The following TMEM87B variants were observed in gnomAD, a reference collection of about 807,000 sequenced individuals.
TMEM87B encodes the protein transmembrane protein 87B.
In TMEM87B, 83 loss-of-function variants were observed where a neutral mutation model predicts 80.3. The observed-to-expected ratio is 1.03, with a 90% CI of 0.87 to 1.24. TMEM87B has a LOEUF of 1.24. Among genes scored for constraint, TMEM87B ranks in the 50% most tolerant of loss-of-function variants. The probability of loss-of-function intolerance (pLI) is 0.00; values close to 1 mark genes in which losing one functional copy is unlikely to be tolerated. For synonymous variants in TMEM87B, 219 were observed against 230.5 expected (o/e 0.95, Z 0.45); for missense variants, 625 against 674.4 (o/e 0.93, Z 0.81).
Position 112,118,136 on chromosome 2 carries a change from G to A in TMEM87B, c.*1993G>A, listed in dbSNP as rs909931319. 2 of 152,112 alleles carry A rather than the reference G, an allele frequency of 1.3e-5. No homozygotes were observed. The highest frequency in any genetic ancestry group is 4.8e-5 in the African/African-American group (2 of 41,420). 9.4% of individuals were successfully genotyped at this position (152,112 alleles called of 1,614,324 possible). ...TCATTACAAATACTGTTACTAGAAG[G>A]GCATGTGCTGTCTGTCACCTTCAGT... On this transcript the variant is annotated 3_prime_UTR_variant, in exon 19 of 19. Coordinates refer to ENST00000283206, the MANE Select transcript of TMEM87B (RefSeq NM_032824.3).
At position 112,091,699 on chromosome 2, in the gene TMEM87B, T is replaced by C. The variant is rs1451558836; in HGVS notation, c.1033-13T>C. ...GTTACATTCAGGTTTCTTCCCTTAT[T>C]TTTATCTTTCAGGGTTCTAACCATT... On this transcript the variant is annotated splice_polypyrimidine_tract_variant and intron_variant, in intron 10 of 18. Transcript: ENST00000283206. The C allele has an allele frequency of 6.3e-7, 1 of 1,597,696 alleles. No individual in the cohort carries two copies.
intron 10 of TMEM87B, among the ~76,000 whole-genome samples, chr2:112,091,510 C>T (rs1679300195): frequency 6.6e-6 from 1 of 151,116 alleles, no homozygotes; most frequent in Non-Finnish European, 1.5e-5. Flanking sequence ...ATGTTGCTAT[C>T]ATCACATAAA....
intron 3 of TMEM87B, among the ~76,000 whole-genome samples, chr2:112,064,566 AATT>A (rs1338629887): frequency 6.6e-6 from 1 of 152,244 alleles, no homozygotes; most frequent in Non-Finnish European, 1.5e-5. Flanking sequence ...TTTTTAAAAA[AATT>A]ATAGGGAAAC....
intron 8 of TMEM87B, 46 bp from the exon 9 acceptor site, chr2:112,085,952 GGCAGGCT>G: frequency 6.8e-7 from 1 of 1,460,428 alleles, no homozygotes. Flanking sequence ...AATCTTGGTT[GGCAGGCT>G]TCCAGGTGTA....
At chr2:112,071,934 C>G (rs778664956) in intron 4 of TMEM87B, among the ~76,000 whole-genome samples, 1 of 151,788 alleles carries the variant, frequency 6.6e-6, no homozygotes, top group Non-Finnish European at 1.5e-5. Flanking sequence ...ATAGGTGGCT[C>G]TTATTATTTT....
chr2:112,111,758 T>C (rs569043954), intron 17 of TMEM87B, among the ~76,000 whole-genome samples: 2 of 152,324 alleles, frequency 1.3e-5, no homozygotes, highest in African/African-American at 4.8e-5. Context: ...AATAACCACA[T>C]GATATGTATT....
intron 5 of TMEM87B, among the ~76,000 whole-genome samples, chr2:112,076,953 G>A (rs1678840501): frequency 7.0e-6 from 1 of 142,398 alleles, no homozygotes; most frequent in Non-Finnish European, 1.5e-5. Context: ...TGTAATCCCA[G>A]CACTTTGGGA....
At chr2:112,081,270 G>A in intron 7 of TMEM87B, 65 bp from the exon 8 acceptor site, 2 of 1,484,560 alleles carry the variant, frequency 1.3e-6, no homozygotes, top group Non-Finnish European at 1.8e-6. Context: ...ATACTTGAAT[G>A]TAGAAGTGCC....
intron 17 of TMEM87B, among the ~76,000 whole-genome samples, chr2:112,110,106 GT>G (rs924678225): frequency 1.3e-5 from 2 of 152,166 alleles, no homozygotes; most frequent in Admixed American, 1.3e-4. Flanking sequence ...TTTTGTCAGT[GT>G]TTTTTGTGGA....
chr2:112,062,664 A>G (rs1678292070), intron 2 of TMEM87B, among the ~76,000 whole-genome samples: 1 of 152,192 alleles, frequency 6.6e-6, no homozygotes, highest in Non-Finnish European at 1.5e-5. Context: ...TCCTTTAACA[A>G]CTTTGTTCTA....
chr2:112,109,317 A>G (rs1287345149), intron 17 of TMEM87B, among the ~76,000 whole-genome samples: 1 of 152,124 alleles, frequency 6.6e-6, no homozygotes, highest in African/African-American at 2.4e-5. Context: ...TCTTTCCTCT[A>G]TATATGAGCT....
chr2:112,097,675 T>G (rs1679510554), intron 13 of TMEM87B, among the ~76,000 whole-genome samples: 1 of 122,232 alleles, frequency 8.2e-6, no homozygotes, highest in Non-Finnish European at 1.6e-5. Flanking sequence ...ATTGCACCAC[T>G]GCACCCCAGC....
In TMEM87B at chr2:112,096,971, ATAG is replaced by A. The variant is rs982451735; in HGVS notation, c.1105-69_1105-67del. The A allele has an allele frequency of 5.8e-6, 6 of 1,026,730 alleles. No individual in the cohort carries two copies. In the African/African-American group the frequency reaches 6.5e-5, roughly 11 times the overall value. The allele number at this position is 1,026,730 out of a possible 1,614,324, so 63.6% of individuals were successfully genotyped here. A position where few individuals can be genotyped will look rare whatever the true frequency, so the allele number is the denominator to read the frequency against. ...ATTTAGCAGTACTGACTTTGGGAAC[ATAG>A]TAGAAGATTCTGTTTTTTTTTTTTA... On this transcript the variant is annotated intron_variant, in intron 11 of 18. Transcript: ENST00000283206.
chr2:112,063,336 C>T (rs1018303416), intron 2 of TMEM87B, among the ~76,000 whole-genome samples: 2 of 152,226 alleles, frequency 1.3e-5, no homozygotes, highest in African/African-American at 4.8e-5. Context: ...TCCTTAACTC[C>T]AGACTTAATG....
chr2:112,055,437 G>A lies in TMEM87B; in HGVS notation c.-155G>A, dbSNP rs575931527. ...CTGGCCGGGTTTCCCAGAACTGCAC[G>A]GCGCCTCTCCGCCCAGGCCCAAGCG... On this transcript the variant is annotated 5_prime_UTR_variant, in exon 1 of 19. Transcript: ENST00000283206. 1 of 854,974 alleles carries A rather than the reference G, an allele frequency of 1.2e-6. No homozygotes were observed. Among genetic ancestry groups the A allele is most frequent in the Non-Finnish European group, 1.7e-6 (1 of 599,754 alleles). 53.0% of individuals were successfully genotyped at this position (854,974 alleles called of 1,614,324 possible).
intron 8 of TMEM87B, 27 bp from the exon 9 acceptor site, chr2:112,085,978 G>A (rs1254294323): frequency 1.2e-6 from 2 of 1,600,132 alleles, no homozygotes; most frequent in East Asian, 2.3e-5. Context: ...TAGACAAAGT[G>A]AATTATTTTA....
At chr2:112,069,316 C>T (rs1308774042) in intron 4 of TMEM87B, among the ~76,000 whole-genome samples, 1 of 152,080 alleles carries the variant, frequency 6.6e-6, no homozygotes, top group Non-Finnish European at 1.5e-5. Context: ...TCTACCTCCT[C>T]CCAGCCTTCA....
intron 11 of TMEM87B, among the ~76,000 whole-genome samples, chr2:112,094,691 T>C (rs1679405510): frequency 6.6e-6 from 1 of 152,216 alleles, no homozygotes; most frequent in South Asian, 2.1e-4. Context: ...CTTAGTTTGC[T>C]TAATTATGAA....
chr2:112,116,349 G>T lies in TMEM87B; in HGVS notation c.*206G>T. On this transcript the variant is annotated 3_prime_UTR_variant, in exon 19 of 19. Transcript: ENST00000283206. ...TGTCAGTTGAATATCCATTAAATTG[G>T]ATTTGGAAATAACCTGAGGAAAGTA... The T allele has an allele frequency of 2.0e-6, 1 of 503,082 alleles. No homozygotes were observed. 31.2% of individuals were successfully genotyped at this position (503,082 alleles called of 1,614,324 possible).
Sources: gnomAD v4.1 joint callset for allele counts (sites outside exome capture counted in the v4.1 genomes callset) on GRCh38, gnomAD v4.1.1 for gene constraint, MANE v1.5 for transcripts, NCBI Gene and HGNC (gene_info 2026-07-23, HGNC 2026-07-21) for gene names.